The following PHF24 variants were observed in gnomAD, a reference collection of about 807,000 sequenced individuals.
PHF24 encodes the protein PHD finger protein 24.
PHF24 carries 25 observed loss-of-function variants against 42.6 expected under a neutral mutation model. The observed-to-expected ratio is 0.59, with a 90% CI of 0.43 to 0.82. The LOEUF (loss-of-function observed/expected upper bound fraction) is 0.82, where lower values mean the gene tolerates loss of function less well. PHF24 is among the 40% of genes least tolerant of loss of function. The pLI is 0.00. For synonymous variants in PHF24, 185 were observed against 204.8 expected, an observed-to-expected ratio of 0.90 and a Z score of 0.83; for missense variants, 470 against 538.1, an observed-to-expected ratio of 0.87 and a Z score of 1.25.
At chr9:34,674,594 G>A in the PHF24 span, among the ~76,000 whole-genome samples, 2 of 152,264 alleles carry the variant, frequency 1.3e-5, no homozygotes, top group South Asian at 4.1e-4. Context: ...CAGGTGGCAG[G>A]CTGCATTTGG....
the PHF24 span, among the ~76,000 whole-genome samples, chr9:34,952,534 A>G: frequency 2.6e-5 from 4 of 152,214 alleles, no homozygotes; most frequent in Non-Finnish European, 5.9e-5. Flanking sequence ...TTATATCCAA[A>G]GGCAAAGGAA....
At chr9:34,851,389 G>A in the PHF24 span, among the ~76,000 whole-genome samples, 28 of 152,322 alleles carry the variant, frequency 1.8e-4, no homozygotes, top group African/African-American at 6.3e-4. Context: ...CTCCGTGGGT[G>A]TAGGACCCTC....
the PHF24 span, chr9:34,690,363 G>A: frequency 5.5e-5 from 89 of 1,612,524 alleles, no homozygotes; most frequent in Admixed American, 2.2e-4. Flanking sequence ...GAAAGAAGGT[G>A]ACAGGACACA....
the PHF24 span, among the ~76,000 whole-genome samples, chr9:34,760,656 G>T: frequency 1.3e-5 from 2 of 152,152 alleles, no homozygotes; most frequent in African/African-American, 2.4e-5. Context: ...AGGGCAGCAC[G>T]CCCCCACCCA....
chr9:34,761,455 A>G, the PHF24 span, among the ~76,000 whole-genome samples: 2 of 152,208 alleles, frequency 1.3e-5, no homozygotes, highest in Non-Finnish European at 2.9e-5. Context: ...AAGAGAGCAG[A>G]TGATAAATAA....
chr9:34,864,050 C>A, the PHF24 span, among the ~76,000 whole-genome samples: 3 of 151,970 alleles, frequency 2.0e-5, 1 homozygote, highest in South Asian at 4.2e-4. Flanking sequence ...ATTGATGAAG[C>A]AGAAGAAAGA....
chr9:34,828,406 G>A, the PHF24 span, among the ~76,000 whole-genome samples: 7 of 151,870 alleles, frequency 4.6e-5, no homozygotes, highest in African/African-American at 7.3e-5. Flanking sequence ...AATCTTTCCC[G>A]TCAACATCCG....
chr9:34,953,723 TC>T (rs1826309849), upstream of PHF24, among the ~76,000 whole-genome samples: 1 of 152,036 alleles, frequency 6.6e-6, no homozygotes, highest in South Asian at 2.1e-4. This position sits in a 1 kb window ranked among gnomAD's most constrained non-coding sequence, Gnocchi z 4.1. Context: ...GGTGGGAAGA[TC>T]AGTTGAGGCC....
At chr9:34,757,974 A>G in the PHF24 span, among the ~76,000 whole-genome samples, 640 of 152,190 alleles carry the variant, frequency 4.2e-3, 4 homozygotes, top group East Asian at 0.012. Flanking sequence ...GCTATTTCTC[A>G]GGACTGGGAC....
At chr9:34,843,559 T>C in the PHF24 span, among the ~76,000 whole-genome samples, 1 of 152,188 alleles carries the variant, frequency 6.6e-6, no homozygotes, top group African/African-American at 2.4e-5. Context: ...TTGGCTATTA[T>C]AGGTCATTAA....
the PHF24 span, among the ~76,000 whole-genome samples, chr9:34,787,737 G>A: frequency 6.6e-6 from 1 of 152,110 alleles, no homozygotes. Flanking sequence ...TAGGGGTTGA[G>A]AAGCATTTGC....
the PHF24 span, among the ~76,000 whole-genome samples, chr9:34,808,490 T>C: frequency 3.9e-5 from 6 of 152,136 alleles, no homozygotes; most frequent in African/African-American, 1.2e-4. Flanking sequence ...AAATATAGTA[T>C]TGCCTTAGTC....
the PHF24 span, among the ~76,000 whole-genome samples, chr9:34,945,611 C>G: frequency 6.6e-6 from 1 of 152,054 alleles, no homozygotes; most frequent in Non-Finnish European, 1.5e-5. Context: ...TCTGTTGTCT[C>G]GGGAGTGGAT....
chr9:34,781,007 A>T, the PHF24 span, among the ~76,000 whole-genome samples: 1 of 152,216 alleles, frequency 6.6e-6, no homozygotes, highest in Non-Finnish European at 1.5e-5. Context: ...ATGTGGAGAA[A>T]CTAGAACCTT....
chr9:34,976,932 C>T (rs2132932712), intron 5 of PHF24, 151 bp from the exon 6 acceptor site: 1 of 970,754 alleles, frequency 1.0e-6, no homozygotes, highest in South Asian at 1.7e-5. Flanking sequence ...ACTGATCTGC[C>T]CTGGGCCGCA....
chr9:34,805,872 T>G, the PHF24 span, among the ~76,000 whole-genome samples: 11 of 152,334 alleles, frequency 7.2e-5, no homozygotes, highest in African/African-American at 2.6e-4. Flanking sequence ...GATCCAACTT[T>G]GTGTATGGTG....
At chr9:34,701,508 G>C in the PHF24 span, among the ~76,000 whole-genome samples, 2 of 152,310 alleles carry the variant, frequency 1.3e-5, no homozygotes, top group African/African-American at 4.8e-5. This position sits in a 1 kb window ranked among gnomAD's most constrained non-coding sequence, Gnocchi z 5.8. Context: ...GCGGCAGAGG[G>C]GTGGGCGCAT....
chr9:34,965,821 A>G (rs1826749472), intron 1 of PHF24, among the ~76,000 whole-genome samples: 1 of 152,212 alleles, frequency 6.6e-6, no homozygotes, highest in Non-Finnish European at 1.5e-5. Context: ...GCATCTGAAA[A>G]AGCCAAAAAC....
chr9:34,724,283 T>G, the PHF24 span: 1 of 1,551,516 alleles, frequency 6.4e-7, no homozygotes, highest in Non-Finnish European at 8.7e-7. Flanking sequence ...GGCAGAACCC[T>G]GGGGTACAGC....
Sources: gnomAD v4.1 joint callset for allele counts (sites outside exome capture counted in the v4.1 genomes callset) on GRCh38, gnomAD v4.1.1 for gene constraint, Gnocchi (gnomAD v3.1) non-coding constraint, MANE v1.5 for transcripts, NCBI Gene and HGNC (gene_info 2026-07-23, HGNC 2026-07-21) for gene names.